The following MYO3B variants were observed in gnomAD, a reference collection of about 807,000 sequenced individuals.
MYO3B encodes myosin-IIIb.
Under a neutral mutation model 174.6 loss-of-function variants are expected in MYO3B, and 156 were observed. The ratio of observed to expected loss-of-function variants is 0.89; its 90% CI spans 0.78 to 1.02. The LOEUF (loss-of-function observed/expected upper bound fraction) is 1.02, where lower values mean the gene tolerates loss of function less well. Among genes scored for constraint, MYO3B ranks in the 50% least tolerant of loss-of-function variants. The pLI is 0.00. For synonymous variants in MYO3B, 563 were observed against 569.1 expected (o/e 0.99, Z 0.15); for missense variants, 1,632 against 1,639.4 (o/e 1.00, Z 0.08).
chr2:170,636,976 GTGTGTGTGTGTGTA>G (rs1001629643), intron 32 of MYO3B, among the ~76,000 whole-genome samples: 18 of 151,812 alleles, frequency 1.2e-4, no homozygotes, highest in Admixed American at 1.1e-3. Context: ...GTGTGTGTGT[GTGTGTGTGTGTGTA>G]GGCAATAATT....
Position 170,369,263 on chromosome 2 carries a change from A to G in MYO3B, c.857A>G (p.His286Arg). 1 of 1,613,732 alleles carries G rather than the reference A, an allele frequency of 6.2e-7. No homozygotes were observed. Among genetic ancestry groups the G allele is most frequent in the Non-Finnish European group, 8.5e-7 (1 of 1,179,726 alleles). The change falls in exon 9 of 35, where the codon CAT (histidine) becomes CGT (arginine). Residue 286 changes from histidine (H) to arginine (R), a missense_variant. His to Arg is a conservative substitution (Grantham distance 29). Transcript: ENST00000408978. ...KDFERRPSVT[H>R]LLDHPFIKGV... ...TTTGAAAGGCGACCTTCCGTCACAC[A>G]TCTCCTTGACCACCCATTTATTAAA...
At chr2:170,439,586 T>G (rs767630033) in intron 22 of MYO3B, among the ~76,000 whole-genome samples, 11 of 152,190 alleles carry the variant, frequency 7.2e-5, no homozygotes, top group Non-Finnish European at 1.5e-4. Context: ...TATATTTGCT[T>G]TTATAGCCCA....
intron 22 of MYO3B, among the ~76,000 whole-genome samples, chr2:170,414,131 C>G (rs1428779209): frequency 1.3e-5 from 2 of 152,208 alleles, no homozygotes; most frequent in African/African-American, 4.8e-5. Context: ...TTATGTGGTT[C>G]TGTTTCATTG....
chr2:170,495,413 G>A (rs73025050), intron 25 of MYO3B, among the ~76,000 whole-genome samples: 9,508 of 152,118 alleles, frequency 0.063, 918 homozygotes, highest in African/African-American at 0.21. Flanking sequence ...TTTGAAAACT[G>A]CCTGTTTACA....
chr2:170,488,471 T>TA (rs936680215), intron 25 of MYO3B, among the ~76,000 whole-genome samples: 47 of 151,212 alleles, frequency 3.1e-4, no homozygotes, highest in African/African-American at 3.2e-4. Context: ...TTTCCCTTGT[T>TA]AAAAAAAAAT....
rs768974458 is a variant in MYO3B, at chr2:170,580,718, A to ATATATATGTGTGTGTGTG, written c.3733+36731_3733+36732insATATATGTGTGTGTGTGT. 6.0e-3 allele frequency among the ~76,000 whole-genome samples: 862 copies of ATATATATGTGTGTGTGTG among 142,742 alleles called. 7 individuals carry two copies. The highest frequency in any genetic ancestry group is 8.2e-3 in the Non-Finnish European group (539 of 65,656). The allele number at this position is 142,742 out of a possible 152,430, so 93.6% of individuals were successfully genotyped here. ...CTTCAGGTCCCACAAAACCTTATAT[A>ATATATATGTGTGTGTGTG]TGTGTGTGTGTGTGTGTGTGTGTGT... On this transcript the variant is annotated intron_variant, in intron 32 of 34. Coordinates refer to ENST00000408978, the MANE Select transcript of MYO3B (RefSeq NM_138995.5).
intron 32 of MYO3B, chr2:170,646,920 T>G (rs1204070366): frequency 4.4e-6 from 6 of 1,360,294 alleles, no homozygotes; most frequent in Non-Finnish European, 5.9e-6. Flanking sequence ...CTTTCCACAT[T>G]ACGGATGTAA....
chr2:170,401,595 A>T lies in MYO3B; in HGVS notation c.2033A>T (p.Asp678Val). The change falls in exon 18 of 35, where the codon GAC becomes GTC. Residue 678 changes from aspartate to valine, a missense_variant. Asp to Val is a radical substitution (Grantham distance 152). Coordinates refer to ENST00000408978, the MANE Select transcript of MYO3B (RefSeq NM_138995.5). ...IRANTVDRAADVRDAMSKALY... is the reference protein window; with the variant it reads ...IRANTVDRAAVVRDAMSKALY... ...GCCAACACTGTAGACAGGGCTGCGG[A>T]CGTTCGAGACGCCATGTCCAAAGCC... The T allele has an allele frequency of 6.2e-7, 1 of 1,614,064 alleles. No individual in the cohort carries two copies.
At chr2:170,596,532 A>G (rs917006439) in intron 32 of MYO3B, among the ~76,000 whole-genome samples, 2 of 152,216 alleles carry the variant, frequency 1.3e-5, no homozygotes, top group South Asian at 4.1e-4. Flanking sequence ...CCACACATTC[A>G]TAATTGGACT....
chr2:170,193,389 A>T (rs894343676), intron 1 of MYO3B, among the ~76,000 whole-genome samples: 1 of 151,842 alleles, frequency 6.6e-6, no homozygotes, highest in Non-Finnish European at 1.5e-5. Flanking sequence ...TACCTGGTTT[A>T]TCTTTGACTT....
intron 32 of MYO3B, among the ~76,000 whole-genome samples, chr2:170,549,600 A>G (rs1377388013): frequency 6.6e-6 from 1 of 152,196 alleles, no homozygotes; most frequent in East Asian, 1.9e-4. Context: ...GCTATCAGAA[A>G]GCAAACTCAG....
chr2:170,236,254 A>T, intron 7 of MYO3B, 118 bp downstream of exon 7: 16 of 1,261,484 alleles, frequency 1.3e-5, no homozygotes, highest in Non-Finnish European at 1.8e-5. Context: ...TGATTGTGAA[A>T]TATATTTTCT....
intron 32 of MYO3B, among the ~76,000 whole-genome samples, chr2:170,633,480 A>G (rs1697200307): frequency 6.6e-6 from 1 of 152,224 alleles, no homozygotes; most frequent in African/African-American, 2.4e-5. Context: ...TCAAAATAGT[A>G]AGAGCTATTT....
intron 7 of MYO3B, among the ~76,000 whole-genome samples, chr2:170,319,476 T>A (rs2093799897): frequency 1.3e-5 from 2 of 151,724 alleles, no homozygotes; most frequent in Admixed American, 1.3e-4. Context: ...TTAACCAACC[T>A]GAAGAACACA....
intron 32 of MYO3B, among the ~76,000 whole-genome samples, chr2:170,631,298 C>A (rs1696951466): frequency 6.6e-6 from 1 of 151,698 alleles, no homozygotes; most frequent in Admixed American, 6.6e-5. Context: ...GAAAGGGTAT[C>A]AATGATGGAA....
chr2:170,292,800 G>A (rs372969316), intron 7 of MYO3B, among the ~76,000 whole-genome samples: 1 of 152,188 alleles, frequency 6.6e-6, no homozygotes, highest in South Asian at 2.1e-4. Flanking sequence ...CTCTGATTTG[G>A]CATCTTCTTT....
intron 21 of MYO3B, 106 bp from the exon 22 acceptor site, chr2:170,407,609 T>G: frequency 3.9e-4 from 203 of 522,660 alleles, no homozygotes; most frequent in Non-Finnish European, 5.8e-4. Flanking sequence ...TATGTAAAGA[T>G]GAGTTCTATA....
In MYO3B at chr2:170,574,913, C is replaced by T. The variant is rs558878251; in HGVS notation, c.3733+30925C>T. On this transcript the variant is annotated intron_variant, in intron 32 of 34. Transcript: ENST00000408978. ...TCAGTCTTGATCTCCTTCTCCCTCT[C>T]CCTCTTCTCTTTCCCCTTTCACTTA... 2.0e-5 allele frequency among the ~76,000 whole-genome samples: 3 copies of T among 152,266 alleles called. No individual in the cohort carries two copies. The South Asian group carries it at 6.2e-4, about 32-fold the overall frequency.
chr2:170,321,053 A>T (rs940520199), intron 7 of MYO3B, among the ~76,000 whole-genome samples: 1 of 152,164 alleles, frequency 6.6e-6, no homozygotes, highest in African/African-American at 2.4e-5. Flanking sequence ...ATGCCTTTGA[A>T]TAGCCACTCT....
Sources: gnomAD v4.1 joint callset for allele counts (sites outside exome capture counted in the v4.1 genomes callset) on GRCh38, gnomAD v4.1.1 for gene constraint, MANE v1.5 for transcripts, NCBI Gene and HGNC (gene_info 2026-07-23, HGNC 2026-07-21) for gene names.